Variants in MYO5B observed in about 807,000 individuals in gnomAD.
The protein encoded by MYO5B is myosin VB.
In MYO5B, 143 loss-of-function variants were observed where a neutral mutation model predicts 229.3. The ratio of observed to expected loss-of-function variants is 0.62; its 90% CI spans 0.54 to 0.72. The LOEUF (loss-of-function observed/expected upper bound fraction) is 0.72. Ranked by LOEUF, MYO5B falls within the 30% of genes least tolerant of loss-of-function variation. The pLI is 0.00. For missense variants in MYO5B, 2,321 were observed against 2,331.0 expected (o/e 1.00, Z 0.09); for synonymous variants, 918 against 885.2 (o/e 1.04, Z -0.66).
At chr18:50,098,997 G>A (rs1303419646) in intron 1 of MYO5B, 1 of 152,876 alleles carries the variant, frequency 6.5e-6, no homozygotes, top group African/African-American at 2.4e-5. Flanking sequence ...GATTAAAACG[G>A]CCTTTATATG....
At chr18:50,071,355 T>C (rs1204433755) in intron 1 of MYO5B, among the ~76,000 whole-genome samples, 1 of 152,218 alleles carries the variant, frequency 6.6e-6, no homozygotes, top group Non-Finnish European at 1.5e-5. Flanking sequence ...CAGATGTTTC[T>C]ATTTCCTCAA....
At chr18:50,116,561 G>A (rs946280054) in intron 1 of MYO5B, among the ~76,000 whole-genome samples, 10 of 152,064 alleles carry the variant, frequency 6.6e-5, no homozygotes, top group African/African-American at 1.9e-4. Flanking sequence ...CATCTCTTGA[G>A]TTCTCCAATG....
chr18:49,830,199 G>A (rs185587485), intron 39 of MYO5B, among the ~76,000 whole-genome samples: 40 of 149,900 alleles, frequency 2.7e-4, no homozygotes, highest in Admixed American at 7.3e-4. Context: ...TGAATTCAGC[G>A]AAGTACATAA....
intron 14 of MYO5B, among the ~76,000 whole-genome samples, chr18:49,941,132 T>C (rs1194186554): frequency 6.6e-6 from 1 of 152,192 alleles, no homozygotes; most frequent in African/African-American, 2.4e-5. Context: ...AATCAACACG[T>C]GTCAGTTTCA....
intron 1 of MYO5B, among the ~76,000 whole-genome samples, chr18:50,191,622 G>C (rs1369786824): frequency 6.6e-6 from 1 of 152,132 alleles, no homozygotes; most frequent in African/African-American, 2.4e-5. Flanking sequence ...ATTAATTCTT[G>C]TTCTTCAAAA....
Position 49,826,607 on chromosome 18 carries a change from C to T in MYO5B, c.5411G>A (p.Arg1804Gln), listed in dbSNP as rs201080553. The change falls in exon 40 of 40, where the codon CGG becomes CAG. Residue 1804 changes from arginine to glutamine, a missense_variant. Arg to Gln is a conservative substitution (Grantham distance 43). This residue lies in a region of MYO5B where 208 missense variants were observed against 286.3 expected (regional missense o/e 0.73). Coordinates refer to ENST00000285039, the MANE Select transcript of MYO5B (RefSeq NM_001080467.3). ...TAATAGCAGTTGCTGAGGGTCATTCCGCTCTTGTAGTTGTGCCTATGGGGA... is the reference window on the plus strand; with the variant it reads ...TAATAGCAGTTGCTGAGGGTCATTCTGCTCTTGTAGTTGTGCCTATGGGGA... ...IRTIQAQLQE[R>Q]NDPQQLLLDA... is the part of the protein sequence containing the mutation. The T allele has an allele frequency of 4.3e-5, 69 of 1,613,216 alleles. No homozygotes were observed. The highest frequency in any genetic ancestry group is 1.3e-4 in the South Asian group (12 of 91,046).
chr18:49,890,628 G>A (rs1036224086), intron 22 of MYO5B, among the ~76,000 whole-genome samples: 4 of 152,180 alleles, frequency 2.6e-5, no homozygotes, highest in Admixed American at 2.0e-4. Context: ...AGGGATATTA[G>A]TACTATAAGA....
intron 14 of MYO5B, among the ~76,000 whole-genome samples, chr18:49,943,607 G>A (rs1790794): frequency 0.022 from 3,419 of 152,286 alleles, 128 homozygotes; most frequent in African/African-American, 0.071. Flanking sequence ...TGACTAGTTT[G>A]TGCATTCATT....
intron 36 of MYO5B, 72 bp downstream of exon 36, chr18:49,839,072 G>C (rs746646315): frequency 1.6e-5 from 25 of 1,586,868 alleles, no homozygotes; most frequent in Non-Finnish European, 2.0e-5. Flanking sequence ...GAAAGGCAGA[G>C]GGTGCTGACC....
In MYO5B at chr18:49,879,068, C is replaced by T. The variant is rs2024558274; in HGVS notation, c.3153G>A (p.Val1051=). The T allele has an allele frequency of 1.2e-6, 2 of 1,614,086 alleles. No homozygotes were observed. Among genetic ancestry groups the T allele is most frequent in the Non-Finnish European group, 1.7e-6 (2 of 1,180,036 alleles). Residue 1051 remains valine (V), a synonymous_variant, in exon 24 of 40, where the codon GTG becomes GTA. Coordinates refer to ENST00000285039, the MANE Select transcript of MYO5B (RefSeq NM_001080467.3). Reference sequence around the variant, plus strand: ...GTTCTTTCTTCATGAGATTTTCCTTCACAGAGTTCTGGGCAAATTCATCTG... The same window carrying T: ...GTTCTTTCTTCATGAGATTTTCCTTTACAGAGTTCTGGGCAAATTCATCTG... ...QSKDEFAQNS[V]KENLMKKELE... is the part of the protein sequence containing the mutation.
At chr18:49,918,882 A>C (rs16951232) in intron 17 of MYO5B, among the ~76,000 whole-genome samples, 8,513 of 152,272 alleles carry the variant, frequency 0.056, 603 homozygotes, top group African/African-American at 0.16. Flanking sequence ...GGGATGGACA[A>C]AATTTCTAAA....
intron 6 of MYO5B, among the ~76,000 whole-genome samples, chr18:49,991,126 A>C (rs1027771304): frequency 1.3e-5 from 2 of 152,196 alleles, no homozygotes; most frequent in East Asian, 3.8e-4. Flanking sequence ...TGAGCAAGAC[A>C]TCAGACCCAC....
intron 22 of MYO5B, among the ~76,000 whole-genome samples, chr18:49,883,528 A>G (rs2024611006): frequency 6.6e-6 from 1 of 152,220 alleles, no homozygotes; most frequent in Non-Finnish European, 1.5e-5. Context: ...ATGGATCAAA[A>G]CACTTTTTAA....
At position 49,891,770 on chromosome 18, in the gene MYO5B, C is replaced by G. The variant is rs916094896; in HGVS notation, c.3045+3171G>C. On this transcript the variant is annotated intron_variant, in intron 22 of 39. Transcript: ENST00000285039. ...TTCCCCAAGCCAGATCTCTCTACCT[C>G]TATTTGGAGAAATCAAAACCTTTAT... 2.0e-5 allele frequency among the ~76,000 whole-genome samples: 3 copies of G among 152,238 alleles called. No individual in the cohort carries two copies. The South Asian group carries it at 6.2e-4, about 32-fold the overall frequency.
At chr18:49,937,712 C>T (rs1019054916) in intron 14 of MYO5B, among the ~76,000 whole-genome samples, 1 of 151,992 alleles carries the variant, frequency 6.6e-6, no homozygotes, top group African/African-American at 2.4e-5. Context: ...AAAAATTATA[C>T]CAAGTGAAAG....
intron 1 of MYO5B, among the ~76,000 whole-genome samples, chr18:50,156,943 C>G (rs1311690068): frequency 6.6e-6 from 1 of 152,196 alleles, no homozygotes; most frequent in Non-Finnish European, 1.5e-5. Context: ...CATCTCTTAC[C>G]TGAGCCACAC....
chr18:50,043,609 T>C (rs1230504691), intron 2 of MYO5B, among the ~76,000 whole-genome samples: 5 of 132,140 alleles, frequency 3.8e-5, no homozygotes. Flanking sequence ...TATAAATATA[T>C]AAATATATAT....
chr18:49,877,648 TG>T, intron 25 of MYO5B, 114 bp downstream of exon 25: 1 of 1,424,616 alleles, frequency 7.0e-7, no homozygotes, highest in Non-Finnish European at 9.8e-7. Context: ...AATTAGCCCC[TG>T]GGCACTCTGG....
At chr18:49,888,835 T>A (rs1210519431) in intron 22 of MYO5B, among the ~76,000 whole-genome samples, 2 of 152,242 alleles carry the variant, frequency 1.3e-5, no homozygotes, top group African/African-American at 2.4e-5. Flanking sequence ...GGCACTCTCC[T>A]GGGAAACATT....
Sources: allele counts gnomAD v4.1 joint callset (sites outside exome capture counted in the v4.1 genomes callset), GRCh38; gene constraint gnomAD v4.1.1; regional missense constraint gnomAD v4.1.1; transcripts MANE v1.5; gene names NCBI Gene and HGNC (gene_info 2026-07-23, HGNC 2026-07-21).